The following PTPRT variants were observed in gnomAD, a reference collection of about 807,000 sequenced individuals.
PTPRT encodes protein tyrosine phosphatase receptor type T.
A neutral mutation model predicts 176.8 loss-of-function variants in PTPRT; 56 were observed. The observed-to-expected ratio is 0.32, with a 90% CI of 0.26 to 0.40. The LOEUF (loss-of-function observed/expected upper bound fraction) is 0.40. Among genes scored for constraint, PTPRT ranks in the 10% least tolerant of loss-of-function variants. PTPRT has a pLI of 1.00. For synonymous variants in PTPRT, 783 were observed against 739.0 expected, an observed-to-expected ratio of 1.06 and a Z score of -0.96; for missense variants, 1,540 against 1,908.2, an observed-to-expected ratio of 0.81 and a Z score of 3.60.
intron 1 of PTPRT, among the ~76,000 whole-genome samples, chr20:43,094,997 G>A (rs1040276390): frequency 3.3e-5 from 5 of 152,144 alleles, no homozygotes; most frequent in African/African-American, 4.8e-5. Context: ...AAAGGCATGA[G>A]CAGCGAGGGA....
At chr20:42,845,577 G>A (rs6016905) in intron 2 of PTPRT, among the ~76,000 whole-genome samples, 2 of 152,006 alleles carry the variant, frequency 1.3e-5, no homozygotes, top group Non-Finnish European at 2.9e-5. Context: ...TTGTTGAGAG[G>A]GCACACACCT....
At chr20:42,702,533 T>C (rs1569096324) in intron 6 of PTPRT, among the ~76,000 whole-genome samples, 1 of 152,150 alleles carries the variant, frequency 6.6e-6, no homozygotes, top group Non-Finnish European at 1.5e-5. Context: ...CATGGATCCT[T>C]TTCCCCCTAG....
chr20:42,148,634 C>T (rs1988987100), intron 17 of PTPRT, among the ~76,000 whole-genome samples: 1 of 152,130 alleles, frequency 6.6e-6, no homozygotes, highest in South Asian at 2.1e-4. Context: ...TGGGAGCTGA[C>T]CTGGCACTCA....
At chr20:42,419,168 T>G (rs1600992186) in intron 9 of PTPRT, among the ~76,000 whole-genome samples, 1 of 152,212 alleles carries the variant, frequency 6.6e-6, no homozygotes, top group African/African-American at 2.4e-5. Flanking sequence ...CTCTGATGCA[T>G]GAGGCCCCTG....
chr20:42,832,821 A>G (rs1356115195), intron 2 of PTPRT, among the ~76,000 whole-genome samples: 2 of 149,588 alleles, frequency 1.3e-5, no homozygotes, highest in African/African-American at 2.4e-5. Flanking sequence ...AAAAAAAAAA[A>G]GGCCAGGCTT....
chr20:42,150,154 A>G (rs964180180), intron 17 of PTPRT, among the ~76,000 whole-genome samples: 5 of 152,118 alleles, frequency 3.3e-5, no homozygotes, highest in Non-Finnish European at 7.4e-5. Context: ...CTTTGCACCT[A>G]AGCCCTTCTG....
chr20:42,942,195 C>G (rs1196521642), intron 1 of PTPRT, among the ~76,000 whole-genome samples: 3 of 152,100 alleles, frequency 2.0e-5, no homozygotes, highest in Non-Finnish European at 4.4e-5. Context: ...CTGCAGATGC[C>G]CAGCTCAAAG....
chr20:42,508,938 T>A (rs1361984975), intron 7 of PTPRT, among the ~76,000 whole-genome samples: 1 of 143,810 alleles, frequency 7.0e-6, no homozygotes, highest in Non-Finnish European at 1.5e-5. Context: ...ATATAATTTA[T>A]AAATATAATT....
chr20:43,147,662 A>C (rs1027119818), intron 1 of PTPRT, among the ~76,000 whole-genome samples: 1 of 152,226 alleles, frequency 6.6e-6, no homozygotes, highest in Non-Finnish European at 1.5e-5. Context: ...AAGCATAAGA[A>C]GACAGAACAG....
At chr20:43,035,537 C>A (rs1376433953) in intron 1 of PTPRT, among the ~76,000 whole-genome samples, 3 of 152,204 alleles carry the variant, frequency 2.0e-5, no homozygotes, top group Non-Finnish European at 2.9e-5. Context: ...GGCCTCTGTT[C>A]TAGAGGACAA....
intron 12 of PTPRT, among the ~76,000 whole-genome samples, chr20:42,304,270 A>G (rs958066657): frequency 2.0e-5 from 3 of 152,002 alleles, no homozygotes; most frequent in African/African-American, 7.2e-5. Context: ...CGTCATGTTC[A>G]TACTCTATTC....
At chr20:43,013,541 G>C (rs1985232312) in intron 1 of PTPRT, among the ~76,000 whole-genome samples, 1 of 152,076 alleles carries the variant, frequency 6.6e-6, no homozygotes, top group African/African-American at 2.4e-5. Flanking sequence ...GAAAGTGGGG[G>C]GTACATATCT....
chr20:42,221,429 G>C (rs1169679000), intron 15 of PTPRT, among the ~76,000 whole-genome samples: 1 of 152,100 alleles, frequency 6.6e-6, no homozygotes, highest in African/African-American at 2.4e-5. Context: ...TGCATGGCTG[G>C]AGAGGCTTCA....
intron 9 of PTPRT, among the ~76,000 whole-genome samples, chr20:42,411,741 T>C (rs2059020764): frequency 6.6e-6 from 1 of 152,084 alleles, no homozygotes; most frequent in South Asian, 2.1e-4. Context: ...AACAAATTAT[T>C]TGAAAGACAC....
At chr20:42,696,359 T>G (rs2075876299) in intron 6 of PTPRT, among the ~76,000 whole-genome samples, 1 of 151,616 alleles carries the variant, frequency 6.6e-6, no homozygotes, top group Admixed American at 6.6e-5. Context: ...CCTTTCTCTG[T>G]TTCCTCTCTC....
At chr20:42,526,956 CTTTTTTTTTTTT>C (rs915511549) in intron 7 of PTPRT, among the ~76,000 whole-genome samples, 5 of 78,714 alleles carry the variant, frequency 6.4e-5, no homozygotes, top group South Asian at 5.8e-4. Context: ...GTTCTTTTTT[CTTTTTTTTTTTT>C]TTTTTTTTTT....
At chr20:42,734,298 T>C (rs750559732) in intron 6 of PTPRT, among the ~76,000 whole-genome samples, 34 of 152,152 alleles carry the variant, frequency 2.2e-4, no homozygotes, top group Non-Finnish European at 4.6e-4. Flanking sequence ...CAGAAGCCAG[T>C]TCCTCTCTGT....
chr20:42,734,908 T>C (rs1389138015), intron 6 of PTPRT, among the ~76,000 whole-genome samples: 1 of 152,148 alleles, frequency 6.6e-6, no homozygotes, highest in Non-Finnish European at 1.5e-5. Context: ...ATTCTACGGT[T>C]CAAACCAAGC....
intron 1 of PTPRT, among the ~76,000 whole-genome samples, chr20:42,991,929 C>T (rs1362348244): frequency 6.6e-6 from 1 of 152,128 alleles, no homozygotes; most frequent in Non-Finnish European, 1.5e-5. Flanking sequence ...GCAGGTTAAA[C>T]AGTCTTCCAA....
Sources: gnomAD v4.1 joint callset for allele counts (sites outside exome capture counted in the v4.1 genomes callset) on GRCh38, gnomAD v4.1.1 for gene constraint, MANE v1.5 for transcripts, NCBI Gene and HGNC (gene_info 2026-07-23, HGNC 2026-07-21) for gene names.